The following PTPRJ variants were observed in gnomAD, a reference collection of about 807,000 sequenced individuals.
PTPRJ encodes the protein receptor-type tyrosine-protein phosphatase eta.
PTPRJ carries 129 observed loss-of-function variants against 141.3 expected under a neutral mutation model. The ratio of observed to expected loss-of-function variants is 0.91; its 90% CI spans 0.79 to 1.06. PTPRJ has a LOEUF of 1.06. PTPRJ is among the 50% of genes least tolerant of loss of function. The probability of loss-of-function intolerance (pLI) is 0.00; values close to 1 mark genes in which losing one functional copy is unlikely to be tolerated. For missense variants in PTPRJ, 1,601 were observed against 1,679.7 expected, an observed-to-expected ratio of 0.95 and a Z score of 0.82; for synonymous variants, 610 against 640.5, an observed-to-expected ratio of 0.95 and a Z score of 0.72.
At chr11:48,070,392 C>T (rs978973750) in intron 1 of PTPRJ, among the ~76,000 whole-genome samples, 2 of 151,400 alleles carry the variant, frequency 1.3e-5, no homozygotes, top group East Asian at 3.9e-4. Context: ...ATCCCAGCTA[C>T]TAGGGAGGCT....
rs1853881541 is a variant in PTPRJ at position 47,980,860 on chromosome 11, G to C, written c.-53G>C. ...GCGACGACGGTGCCCGGGCTCGGGC[G>C]CACGGCGGGGCCCGATTCGCGCGTC... On this transcript the variant is annotated 5_prime_UTR_variant, in exon 1 of 25. Coordinates refer to ENST00000418331, the MANE Select transcript of PTPRJ (RefSeq NM_002843.4). The C allele has an allele frequency of 1.8e-6, 2 of 1,084,526 alleles. No homozygotes were observed. Among genetic ancestry groups the C allele is most frequent in the Admixed American group, 1.0e-4 (2 of 19,086 alleles). 67.2% of individuals were successfully genotyped at this position (1,084,526 alleles called of 1,614,324 possible).
At chr11:47,999,501 G>A (rs902367215) in intron 1 of PTPRJ, among the ~76,000 whole-genome samples, 2 of 152,190 alleles carry the variant, frequency 1.3e-5, no homozygotes, top group Non-Finnish European at 2.9e-5. Flanking sequence ...AGGTAGAAAG[G>A]CCTTAGAAGC....
At chr11:48,157,011 G>A (rs1016744839) in intron 21 of PTPRJ, among the ~76,000 whole-genome samples, 1 of 150,276 alleles carries the variant, frequency 6.7e-6, no homozygotes, top group African/African-American at 2.5e-5. Flanking sequence ...TTTTTTTTTA[G>A]ATGGAGTCTC....
chr11:48,005,110 T>G (rs1469421775), intron 1 of PTPRJ, among the ~76,000 whole-genome samples: 2 of 152,088 alleles, frequency 1.3e-5, no homozygotes, highest in African/African-American at 4.8e-5. Flanking sequence ...TAATCCCACC[T>G]GCTTGCGAGG....
At chr11:48,117,830 T>C (rs1034223181) in intron 3 of PTPRJ, among the ~76,000 whole-genome samples, 1 of 151,992 alleles carries the variant, frequency 6.6e-6, no homozygotes, top group East Asian at 1.9e-4. Context: ...AAGCTTTAGC[T>C]AGACTAAGAA....
At chr11:48,152,415 G>C (rs952039332) in intron 18 of PTPRJ, among the ~76,000 whole-genome samples, 6 of 152,052 alleles carry the variant, frequency 3.9e-5, no homozygotes, top group Admixed American at 1.3e-4. Flanking sequence ...CACTCTGATG[G>C]TAGTTTCTTT....
intron 1 of PTPRJ, among the ~76,000 whole-genome samples, chr11:48,026,124 A>G (rs1245401210): frequency 6.6e-6 from 1 of 152,214 alleles, no homozygotes; most frequent in Non-Finnish European, 1.5e-5. Flanking sequence ...ATAGCTGTTG[A>G]GAAAGGTCTG....
At chr11:48,074,449 G>C (rs754819600) in intron 1 of PTPRJ, among the ~76,000 whole-genome samples, 1 of 152,120 alleles carries the variant, frequency 6.6e-6, no homozygotes, top group Non-Finnish European at 1.5e-5. Flanking sequence ...TTAATAGACA[G>C]TATTTAGATT....
chr11:48,053,680 G>A lies in PTPRJ; in HGVS notation c.97-56378G>A, dbSNP rs182139931. Among the ~76,000 whole-genome samples the A allele has an allele frequency of 2.4e-3, 353 of 147,388 alleles. 2 individuals are homozygous for A. Among genetic ancestry groups the A allele is most frequent in the South Asian group, 2.5e-3 (12 of 4,744 alleles). The stretch of plus-strand genomic sequence containing the variant: ...CAACCTCTGCCTCCCAGGTTCAAGC[G>A]CTTCTCCTGCCTCAGCCTCCCAAGC... On this transcript the variant is annotated intron_variant, in intron 1 of 24. Transcript: ENST00000418331.
At chr11:48,005,206 AGT>A (rs935835798) in intron 1 of PTPRJ, among the ~76,000 whole-genome samples, 2 of 151,592 alleles carry the variant, frequency 1.3e-5, no homozygotes, top group African/African-American at 4.9e-5. Context: ...TGGACGACAG[AGT>A]GAGACTCTAT....
chr11:48,087,721 A>G (rs1363978290), intron 1 of PTPRJ, among the ~76,000 whole-genome samples: 1 of 152,132 alleles, frequency 6.6e-6, no homozygotes, highest in Non-Finnish European at 1.5e-5. Context: ...TTCAGATTCT[A>G]CCTCTGTTAC....
At chr11:48,001,496 AGCTGTGTGATCTTGGGACATTACTAACCT>A (rs1854498876) in intron 1 of PTPRJ, among the ~76,000 whole-genome samples, 1 of 151,802 alleles carries the variant, frequency 6.6e-6, no homozygotes, top group South Asian at 2.1e-4. Flanking sequence ...CCTCTTACTA[AGCTGTGTGATCTTGGGACATTACTAACCT>A]CTGTGAGGTT....
chr11:48,007,350 C>T (rs1023734560), intron 1 of PTPRJ, among the ~76,000 whole-genome samples: 1 of 151,886 alleles, frequency 6.6e-6, no homozygotes, highest in African/African-American at 2.4e-5. Context: ...ACGTCGTGAT[C>T]CGCCCACCTC....
Position 48,163,552 on chromosome 11 carries a change from TC to T in PTPRJ, c.3655del (p.Arg1219GlyfsTer8). On this transcript the variant is annotated frameshift_variant, in exon 23 of 25. Transcript: ENST00000418331. LOFTEE classifies it high-confidence loss of function. ...GACACCACTGACCTGCTCATCAACT[TC>T]CGGTACCTCGTTCGTGACTACATGA... ...VPDTTDLLIN[F>X]RYLVRDYMKQ... 8 of 1,614,038 alleles carry T rather than the reference TC, an allele frequency of 5.0e-6. No homozygotes were observed. The highest frequency in any genetic ancestry group is 6.8e-6 in the Non-Finnish European group (8 of 1,179,858).
chr11:48,138,978 C>G (rs1453345644), intron 10 of PTPRJ, among the ~76,000 whole-genome samples: 1 of 152,104 alleles, frequency 6.6e-6, no homozygotes, highest in Non-Finnish European at 1.5e-5. Flanking sequence ...ACTAAAAATA[C>G]AAAAATCAAC....
At chr11:47,983,898 A>G (rs1416112809) in intron 1 of PTPRJ, among the ~76,000 whole-genome samples, 2 of 152,128 alleles carry the variant, frequency 1.3e-5, no homozygotes, top group African/African-American at 2.4e-5. Context: ...CCTGGTGAAT[A>G]ATAACTGGGT....
intron 5 of PTPRJ, 123 bp downstream of exon 5, chr11:48,123,993 T>G: frequency 8.4e-7 from 1 of 1,190,416 alleles, no homozygotes; most frequent in Non-Finnish European, 1.2e-6. Context: ...GGGCTTTTCC[T>G]CCACATTTTA....
At chr11:48,122,372 C>T (rs1008929622) in intron 4 of PTPRJ, among the ~76,000 whole-genome samples, 2 of 152,084 alleles carry the variant, frequency 1.3e-5, no homozygotes, top group African/African-American at 2.4e-5. Flanking sequence ...CAGGAAGCAC[C>T]GGTAGAGGGG....
chr11:47,986,398 A>T (rs956570182), intron 1 of PTPRJ, among the ~76,000 whole-genome samples: 2 of 152,206 alleles, frequency 1.3e-5, no homozygotes, highest in Non-Finnish European at 2.9e-5. Context: ...GGTTGAGAGG[A>T]TCAAATAAGA....
Sources: allele counts gnomAD v4.1 joint callset (sites outside exome capture counted in the v4.1 genomes callset), GRCh38; gene constraint gnomAD v4.1.1; transcripts MANE v1.5; gene names NCBI Gene and HGNC (gene_info 2026-07-23, HGNC 2026-07-21).